EIF4G3: variants seen among roughly 807,000 people sequenced by gnomAD.
The protein encoded by EIF4G3 is eIF-4-gamma 3.
Under a neutral mutation model 186.4 loss-of-function variants are expected in EIF4G3, and 34 were observed. The observed-to-expected ratio is 0.18, with a 90% CI of 0.14 to 0.24. The LOEUF (loss-of-function observed/expected upper bound fraction) is 0.24, where lower values mean the gene tolerates loss of function less well. Ranked by LOEUF, EIF4G3 falls within the 10% of genes least tolerant of loss-of-function variation. The pLI, the probability that EIF4G3 is intolerant of heterozygous loss-of-function variation, is 1.00. For missense variants in EIF4G3, 1,536 were observed against 1,948.5 expected (o/e 0.79, Z 3.99); for synonymous variants, 673 against 679.5 (o/e 0.99, Z 0.15).
At chr1:20,929,343 G>C (rs894125573) in intron 14 of EIF4G3, 2 of 152,180 alleles carry the variant, frequency 1.3e-5, no homozygotes, top group Non-Finnish European at 2.9e-5. Flanking sequence ...ACCTTGAGAT[G>C]TGTCTACTGT....
At position 21,087,415 on chromosome 1, in the gene EIF4G3, G is replaced by A. The variant is rs114408432; in HGVS notation, c.-196+1723C>T. Among the ~76,000 whole-genome samples the A allele has an allele frequency of 5.2e-3, 795 of 152,196 alleles. 8 individuals carry two copies. The highest frequency in any genetic ancestry group is 0.017 in the African/African-American group (691 of 41,538). On this transcript the variant is annotated intron_variant, in intron 3 of 36. Transcript: ENST00000602326. ...AGGTGGGTGGATCACTTGAGCCCAG[G>A]AATTTGAAACCAGCCTGCTCAACCA...
intron 14 of EIF4G3, among the ~76,000 whole-genome samples, chr1:20,908,373 AACGTCTAATGG>A (rs1211119668): frequency 6.6e-6 from 1 of 152,170 alleles, no homozygotes; most frequent in African/African-American, 2.4e-5. Context: ...TGTTTTGTAA[AACGTCTAATGG>A]ACAAATTAAC....
intron 3 of EIF4G3, among the ~76,000 whole-genome samples, chr1:21,055,615 A>G (rs2154578024): frequency 6.6e-6 from 1 of 152,236 alleles, no homozygotes; most frequent in South Asian, 2.1e-4. Context: ...AGTGCTTCAA[A>G]ACCATCACCC....
At chr1:20,885,419 ACT>A (rs1425640866) in intron 19 of EIF4G3, among the ~76,000 whole-genome samples, 3 of 152,158 alleles carry the variant, frequency 2.0e-5, no homozygotes, top group African/African-American at 7.2e-5. Context: ...CAGAGTCAGG[ACT>A]CTGCCTCCAG....
rs1326140200 is a variant in EIF4G3 at position 20,899,914 on chromosome 1, G to T, written c.1782C>A (p.Asp594Glu). The stretch of plus-strand genomic sequence containing the variant: ...TATCTTGTTCAGATTCAAGTACTTT[G>T]TCAATGGAAAGCTCCTCTTCAGCTT... ...ELKAEEELSI[D>E]KVLESEQDKM... The change falls in exon 16 of 37, where the codon GAC becomes GAA. Residue 594 changes from aspartate to glutamate, a missense_variant. Around this residue, in one of 11 missense-constraint regions of EIF4G3, gnomAD observed 560 missense variants for 547.8 expected, o/e 1.02. Transcript: ENST00000602326. The T allele has an allele frequency of 1.2e-6, 2 of 1,612,942 alleles. No homozygotes were observed. Among genetic ancestry groups the T allele is most frequent in the African/African-American group, 2.7e-5 (2 of 74,714 alleles).
Position 21,167,821 on chromosome 1 carries a change from T to C in EIF4G3, c.-272+8354A>G, listed in dbSNP as rs138863439. 82 of 258,928 alleles carry C rather than the reference T, an allele frequency of 3.2e-4. 2 individuals carry two copies. Among genetic ancestry groups the C allele is most frequent in the African/African-American group, 1.7e-3 (73 of 42,704 alleles). The allele number at this position is 258,928 out of a possible 1,614,324, so 16.0% of individuals were successfully genotyped here. On this transcript the variant is annotated intron_variant, in intron 2 of 36. Coordinates refer to ENST00000602326, the MANE Select transcript of EIF4G3 (RefSeq NM_001391906.1). ...TTTAAAAACTTAGTATACTTGAACA[T>C]ATAAAGATGAACTTAAAGAGATAAT...
chr1:20,825,451 G>A (rs1343389360), intron 32 of EIF4G3, among the ~76,000 whole-genome samples: 4 of 152,104 alleles, frequency 2.6e-5, no homozygotes, highest in East Asian at 3.9e-4. Flanking sequence ...GACCAGTCTC[G>A]AAAACAAACT....
chr1:20,852,050 C>T (rs144305852), intron 27 of EIF4G3, among the ~76,000 whole-genome samples: 1 of 152,148 alleles, frequency 6.6e-6, no homozygotes, highest in Non-Finnish European at 1.5e-5. Context: ...TAATTTCTTT[C>T]TCTTTTCTTT....
intron 3 of EIF4G3, among the ~76,000 whole-genome samples, chr1:21,052,707 A>G (rs1337785395): frequency 6.6e-6 from 1 of 152,074 alleles, no homozygotes; most frequent in East Asian, 1.9e-4. Flanking sequence ...CAGCCTGCCG[A>G]GTGCCTGCGA....
At chr1:21,068,923 T>C (rs528839161) in intron 3 of EIF4G3, among the ~76,000 whole-genome samples, 8 of 152,338 alleles carry the variant, frequency 5.3e-5, no homozygotes, top group African/African-American at 7.2e-5. Context: ...AACTGCTCCA[T>C]TGAGCATTTC....
intron 14 of EIF4G3, among the ~76,000 whole-genome samples, chr1:20,929,009 C>G (rs894177752): frequency 6.6e-6 from 1 of 152,118 alleles, no homozygotes; most frequent in African/African-American, 2.4e-5. Context: ...TGACTTTTTT[C>G]ACTTAGCGTA....
At chr1:20,814,089 G>A (rs911403182) in intron 34 of EIF4G3, among the ~76,000 whole-genome samples, 1 of 150,706 alleles carries the variant, frequency 6.6e-6, no homozygotes, top group African/African-American at 2.4e-5. Flanking sequence ...TGGGACTACA[G>A]GATCCCTGCC....
intron 2 of EIF4G3, among the ~76,000 whole-genome samples, chr1:21,098,640 CAA>C (rs1003164569): frequency 4.0e-5 from 6 of 150,900 alleles, no homozygotes; most frequent in African/African-American, 7.3e-5. Flanking sequence ...TTCAAATGGG[CAA>C]AAGTTTGCTG....
intron 13 of EIF4G3, 133 bp downstream of exon 13, chr1:20,949,870 C>T (rs2096128650): frequency 1.4e-6 from 1 of 698,254 alleles, no homozygotes; most frequent in Non-Finnish European, 2.4e-6. Context: ...AATTTTCTGC[C>T]TCAAAGCTTT....
chr1:20,819,345 T>A lies in EIF4G3; in HGVS notation c.4369-1807A>T, dbSNP rs558269272. ...CTCATATTTATTTATTTAGACAGGG[T>A]CTTGCTCTTTCGCTCAGGTTACAGT... On this transcript the variant is annotated intron_variant, in intron 33 of 36. Coordinates refer to ENST00000602326, the MANE Select transcript of EIF4G3 (RefSeq NM_001391906.1). 2.4e-4 allele frequency among the ~76,000 whole-genome samples: 36 copies of A among 151,790 alleles called. 1 individual carries two copies. In the South Asian group the frequency reaches 7.3e-3, roughly 31 times the overall value.
chr1:20,873,945 G>A (rs1360916629), intron 20 of EIF4G3, among the ~76,000 whole-genome samples: 2 of 152,052 alleles, frequency 1.3e-5, no homozygotes, highest in Non-Finnish European at 2.9e-5. Flanking sequence ...GCAGTGCTTA[G>A]TTTTCTGTTC....
intron 2 of EIF4G3, among the ~76,000 whole-genome samples, chr1:21,157,392 A>C (rs1391093009): frequency 1.3e-5 from 2 of 151,718 alleles, no homozygotes; most frequent in Non-Finnish European, 2.9e-5. Context: ...TTTTAAGAGA[A>C]GATCTTGCTC....
chr1:20,956,879 C>G (rs1178561599), intron 12 of EIF4G3, among the ~76,000 whole-genome samples: 1 of 152,074 alleles, frequency 6.6e-6, no homozygotes, highest in Non-Finnish European at 1.5e-5. Context: ...ACTGGGATTA[C>G]AGGCATGAGC....
intron 33 of EIF4G3, among the ~76,000 whole-genome samples, chr1:20,822,204 A>T (rs1250707553): frequency 1.3e-5 from 2 of 152,152 alleles, no homozygotes; most frequent in Non-Finnish European, 2.9e-5. Flanking sequence ...AAGATTATTC[A>T]TAAAATTTCC....
Sources: gnomAD v4.1 joint callset for allele counts (sites outside exome capture counted in the v4.1 genomes callset) on GRCh38, gnomAD v4.1.1 for gene constraint, gnomAD v4.1.1 regional missense constraint, MANE v1.5 for transcripts, NCBI Gene and HGNC (gene_info 2026-07-23, HGNC 2026-07-21) for gene names.